Variants in E4F1 observed in about 807,000 individuals in gnomAD.
The protein encoded by E4F1 is transcription factor E4F1.
Under a neutral mutation model 72.9 loss-of-function variants are expected in E4F1, and 30 were observed. The ratio of observed to expected loss-of-function variants is 0.41; its 90% CI spans 0.31 to 0.56. E4F1 has a LOEUF of 0.56. Among genes scored for constraint, E4F1 ranks in the 20% least tolerant of loss-of-function variants. The probability of loss-of-function intolerance (pLI) is 0.25; values close to 1 mark genes in which losing one functional copy is unlikely to be tolerated. For missense variants in E4F1, 1,091 were observed against 1,117.5 expected (o/e 0.98, Z 0.34); for synonymous variants, 542 against 478.2 (o/e 1.13, Z -1.74).
At position 2,233,202 on chromosome 16, in the gene E4F1, C is replaced by G. The variant is rs751916028; in HGVS notation, c.1056+19C>G. The G allele has an allele frequency of 3.1e-5, 49 of 1,584,502 alleles. No individual in the cohort carries two copies. Among genetic ancestry groups the G allele is most frequent in the Non-Finnish European group, 4.0e-5 (46 of 1,162,788 alleles). ...CCCAGAGGTGGGGGCGACGGGGGGC[C>G]CCGGAGGGCTGCTCTGTCTTCTGCC... On this transcript the variant is annotated intron_variant, in intron 7 of 13. Coordinates refer to ENST00000301727, the MANE Select transcript of E4F1 (RefSeq NM_004424.5).
chr16:2,233,675 C>T, intron 8 of E4F1, 28 bp downstream of exon 8: 1 of 1,523,164 alleles, frequency 6.6e-7, no homozygotes, highest in Non-Finnish European at 8.8e-7. Flanking sequence ...CTGCGGGCTC[C>T]TCCCAGGGCT....
chr16:2,223,753 C>A lies in E4F1; in HGVS notation c.140C>A (p.Ala47Glu). The change falls in exon 1 of 14, where the codon GCG (alanine) becomes GAG (glutamate). Residue 47 changes from alanine to glutamate, a missense_variant. This residue lies in a region of E4F1 where 362 missense variants were observed against 358.6 expected (regional missense o/e 1.01). Transcript: ENST00000301727. The stretch of plus-strand genomic sequence containing the variant: ...CCCAGCGGCTTCCTCGGCCTCCCGG[C>A]GCCCTTCAGCGAGGAAGGTAACCGG... ...LAPSGFLGLPAPFSEEDEDDV... is the reference protein window; with the variant it reads ...LAPSGFLGLPEPFSEEDEDDV... The A allele has an allele frequency of 6.5e-7, 1 of 1,530,314 alleles. No homozygotes were observed. The highest frequency in any genetic ancestry group is 8.7e-7 in the Non-Finnish European group (1 of 1,149,970). The allele number at this position is 1,530,314 out of a possible 1,614,324, so 94.8% of individuals were successfully genotyped here. A position where few individuals can be genotyped will look rare whatever the true frequency, so the allele number is the denominator to read the frequency against.
Position 2,232,140 on chromosome 16 carries a change from C to A in E4F1, c.416-31C>A. The A allele has an allele frequency of 2.5e-6, 4 of 1,604,624 alleles. No homozygotes were observed. The South Asian group carries it at 3.3e-5, about 13-fold the overall frequency. On this transcript the variant is annotated intron_variant, in intron 3 of 13. Transcript: ENST00000301727. Reference sequence around the variant, plus strand: ...CTGGGGTCTCTGGACAGGGGCAGGTCCTGGGGCTTAGGCCCAGATGCTTCT... The same window carrying A: ...CTGGGGTCTCTGGACAGGGGCAGGTACTGGGGCTTAGGCCCAGATGCTTCT...
intron 2 of E4F1, among the ~76,000 whole-genome samples, chr16:2,229,129 T>A (rs1391295449): frequency 6.6e-6 from 1 of 152,204 alleles, no homozygotes; most frequent in East Asian, 1.9e-4. Context: ...GAGCCTGTGC[T>A]CTTTACCTGC....
rs774566483 is a variant in E4F1, at chr16:2,229,582, G to A, written c.322G>A (p.Ala108Thr). ...CCCCCTTTGGCAGGTGGTGCCGGCA[G>A]CACCAGGCCCAGAGGAGCCCATCAC... ...ALLGQEVVPA[A>T]PGPEEPITVA... Residue 108 changes from alanine (A) to threonine (T), a missense_variant, in exon 3 of 14, where the codon GCA (alanine) becomes ACA (threonine). This residue lies in a region of E4F1 where 362 missense variants were observed against 358.6 expected (regional missense o/e 1.01). Transcript: ENST00000301727. 1.2e-6 allele frequency: 2 copies of A among 1,611,384 alleles called. No individual in the cohort carries two copies. The highest frequency in any genetic ancestry group is 8.5e-7 in the Non-Finnish European group (1 of 1,179,824).
At chr16:2,233,210 G>A in intron 7 of E4F1, 27 bp downstream of exon 7, 1 of 1,579,452 alleles carries the variant, frequency 6.3e-7, no homozygotes, top group South Asian at 1.2e-5. Context: ...GCCCCGGAGG[G>A]CTGCTCTGTC....
chr16:2,234,521 G>C, intron 10 of E4F1, 62 bp from the exon 11 acceptor site: 1 of 1,552,172 alleles, frequency 6.4e-7, no homozygotes, highest in Non-Finnish European at 8.7e-7. Context: ...CCACAGGCGG[G>C]AGGGGAGAGC....
In E4F1 at chr16:2,233,737, C is replaced by G; in HGVS notation, c.1266+90C>G. On this transcript the variant is annotated intron_variant, in intron 8 of 13. Transcript: ENST00000301727. ...GCCTTCGCCTCCCTGAAGTGGCTTTCTGCAGTGACTTTGTCCATTGATCTG... is the reference window on the plus strand; with the variant it reads ...GCCTTCGCCTCCCTGAAGTGGCTTTGTGCAGTGACTTTGTCCATTGATCTG... 4.1e-6 allele frequency: 6 copies of G among 1,453,592 alleles called. No homozygotes were observed. In the South Asian group the frequency reaches 6.5e-5, roughly 16 times the overall value. 90.0% of individuals were successfully genotyped at this position (1,453,592 alleles called of 1,614,324 possible).
chr16:2,225,867 G>A (rs937924438), intron 1 of E4F1, among the ~76,000 whole-genome samples: 2 of 151,636 alleles, frequency 1.3e-5, no homozygotes, highest in African/African-American at 4.8e-5. Context: ...AGGCTGAGAC[G>A]GGCGGATCCC....
Position 2,235,257 on chromosome 16 carries a change from C to A in E4F1, c.2040C>A (p.His680Gln), listed in dbSNP as rs766333148. Residue 680 changes from histidine to glutamine, a missense_variant, in exon 14 of 14, where the codon CAC becomes CAA. Around this residue, in one of 5 missense-constraint regions of E4F1, gnomAD observed 622 missense variants for 628.0 expected, o/e 0.99. Coordinates refer to ENST00000301727, the MANE Select transcript of E4F1 (RefSeq NM_004424.5). ...HIMKVVQQIV[H>Q]QASAGHQIIV... Reference sequence around the variant, plus strand: ...TGAAGGTGGTGCAGCAGATCGTGCACCAGGCTAGCGCCGGCCACCAGATCA... The same window carrying A: ...TGAAGGTGGTGCAGCAGATCGTGCAACAGGCTAGCGCCGGCCACCAGATCA... The A allele has an allele frequency of 3.4e-5, 55 of 1,610,784 alleles. No homozygotes were observed. The highest frequency in any genetic ancestry group is 4.4e-5 in the Non-Finnish European group (52 of 1,179,652).
intron 1 of E4F1, 151 bp from the exon 2 acceptor site, chr16:2,228,221 C>G (rs2093443577): frequency 2.1e-5 from 22 of 1,053,788 alleles, no homozygotes; most frequent in Non-Finnish European, 2.9e-5. Flanking sequence ...TTGTTTTGGG[C>G]CCGAGTGTGT....
At chr16:2,234,148 C>A in intron 9 of E4F1, 23 bp from the exon 10 acceptor site, 1 of 1,609,134 alleles carries the variant, frequency 6.2e-7, no homozygotes, top group South Asian at 1.1e-5. Context: ...ATGGGCTTGG[C>A]CTGATGCTGT....
Position 2,229,572 on chromosome 16 carries a change from G to A in E4F1, c.312G>A (p.Val104=). 1 of 1,610,376 alleles carries A rather than the reference G, an allele frequency of 6.2e-7. No homozygotes were observed. The highest frequency in any genetic ancestry group is 1.1e-5 in the South Asian group (1 of 91,082). Residue 104 remains valine (V), a splice_region_variant and synonymous_variant, in exon 3 of 14, where the codon GTG becomes GTA. Transcript: ENST00000301727. The part of the protein sequence containing the change: ...PATTALLGQE[V]VPAAPGPEEP... Reference sequence around the variant, plus strand: ...CTGTTTTCTTCCCCCTTTGGCAGGTGGTGCCGGCAGCACCAGGCCCAGAGG... The same window carrying A: ...CTGTTTTCTTCCCCCTTTGGCAGGTAGTGCCGGCAGCACCAGGCCCAGAGG...
chr16:2,228,906 G>T (rs987716020), intron 2 of E4F1, among the ~76,000 whole-genome samples: 4 of 152,218 alleles, frequency 2.6e-5, no homozygotes. Context: ...GGCCCTGGGG[G>T]GTCCCGCCAT....
intron 1 of E4F1, 89 bp downstream of exon 1, chr16:2,223,859 G>C: frequency 1.3e-6 from 2 of 1,531,074 alleles, no homozygotes; most frequent in Non-Finnish European, 1.7e-6. Flanking sequence ...CTGCGGGCTC[G>C]ACCGACCCTC....
chr16:2,230,014 C>G (rs906250423), intron 3 of E4F1: 3 of 302,488 alleles, frequency 9.9e-6, no homozygotes, highest in Non-Finnish European at 2.0e-5. Flanking sequence ...GCTCCCTGCC[C>G]GTAGGCAGCA....
intron 8 of E4F1, 59 bp from the exon 9 acceptor site, chr16:2,233,811 ATGGTTGTGTTCT>A: frequency 6.9e-7 from 1 of 1,451,256 alleles, no homozygotes. Context: ...GGTGGGGCCC[ATGGTTGTGTTCT>A]TGGTACTGCC....
chr16:2,233,306 G>A (rs370693095), intron 7 of E4F1, 123 bp downstream of exon 7: 3 of 1,452,386 alleles, frequency 2.1e-6, no homozygotes, highest in Non-Finnish European at 9.1e-7. Flanking sequence ...TTCCCACAGG[G>A]AGAGCAGGGC....
rs1450935873 is a variant in E4F1 at position 2,234,926 on chromosome 16, C to T, written c.1860C>T (p.Val620=). ...SEDSPAAATT[V]LTEDPHTVLV... ...ACAGCCCCGCGGCAGCCACCACCGT[C>T]CTCACGGAAGACCCGCACACAGTGT... The change falls in exon 12 of 14, where the codon GTC becomes GTT. Residue 620 remains valine (V), a synonymous_variant. Transcript: ENST00000301727. The T allele has an allele frequency of 1.2e-5, 18 of 1,561,994 alleles. No homozygotes were observed. The highest frequency in any genetic ancestry group is 2.4e-5 in the East Asian group (1 of 41,778).
Sources: gnomAD v4.1 joint callset for allele counts (sites outside exome capture counted in the v4.1 genomes callset) on GRCh38, gnomAD v4.1.1 for gene constraint, gnomAD v4.1.1 regional missense constraint, MANE v1.5 for transcripts, NCBI Gene and HGNC (gene_info 2026-07-23, HGNC 2026-07-21) for gene names.